NUP214: variants seen among roughly 807,000 people sequenced by gnomAD.
NUP214 encodes the protein nucleoporin 214.
In NUP214, 79 loss-of-function variants were observed where a neutral mutation model predicts 196.2. The observed-to-expected ratio is 0.40, with a 90% CI of 0.34 to 0.49. NUP214 has a LOEUF of 0.49. Ranked by LOEUF, NUP214 falls within the 20% of genes least tolerant of loss-of-function variation. The pLI, the probability that NUP214 is intolerant of heterozygous loss-of-function variation, is 0.58. For synonymous variants in NUP214, 1,020 were observed against 990.5 expected (o/e 1.03, Z -0.56); for missense variants, 2,468 against 2,539.0 (o/e 0.97, Z 0.60).
intron 21 of NUP214, 125 bp from the exon 22 acceptor site, chr9:131,173,930 A>C (rs1833026913): frequency 7.8e-7 from 1 of 1,275,702 alleles, no homozygotes; most frequent in South Asian, 1.4e-5. Context: ...CTCCCACTTA[A>C]AATAAGTAAT....
intron 23 of NUP214, among the ~76,000 whole-genome samples, chr9:131,177,034 A>C (rs1833139898): frequency 6.6e-6 from 1 of 152,230 alleles, no homozygotes; most frequent in Non-Finnish European, 1.5e-5. Flanking sequence ...AACAGATATA[A>C]GCCAAATATT....
intron 31 of NUP214, among the ~76,000 whole-genome samples, chr9:131,219,421 G>C (rs954384156): frequency 6.6e-6 from 1 of 152,176 alleles, no homozygotes; most frequent in African/African-American, 2.4e-5. Flanking sequence ...GCCCCGGGCT[G>C]CTTTGCCCTG....
Position 131,232,195 on chromosome 9 carries a change from C to A in NUP214, c.6215-89C>A. 7.1e-7 allele frequency: 1 copy of A among 1,416,184 alleles called. No homozygotes were observed. The highest frequency in any genetic ancestry group is 1.0e-6 in the Non-Finnish European group (1 of 999,604). 87.7% of individuals were successfully genotyped at this position (1,416,184 alleles called of 1,614,324 possible). On this transcript the variant is annotated intron_variant, in intron 34 of 35. Transcript: ENST00000359428. This position sits in a 1 kb window ranked among gnomAD's most constrained non-coding sequence, Gnocchi z 5.1. ...GGCACGGAGGGCTTCCCACAAGAAG[C>A]ACAGAGGAGGGCAGACACTTAGCAT...
chr9:131,154,756 G>A (rs1832381564), intron 17 of NUP214, among the ~76,000 whole-genome samples: 1 of 152,200 alleles, frequency 6.6e-6, no homozygotes, highest in South Asian at 2.1e-4. Context: ...TAGAATAATG[G>A]TCTCCAGCTC....
intron 18 of NUP214, among the ~76,000 whole-genome samples, chr9:131,160,750 T>C (rs1423970551): frequency 6.6e-6 from 1 of 152,206 alleles, no homozygotes; most frequent in African/African-American, 2.4e-5. Flanking sequence ...CATTGTGTTA[T>C]GTGGAGAAAG....
In NUP214 at chr9:131,230,880, G is replaced by T. The variant is rs1421961578; in HGVS notation, c.6214+111G>T. On this transcript the variant is annotated intron_variant, in intron 34 of 35. Coordinates refer to ENST00000359428, the MANE Select transcript of NUP214 (RefSeq NM_005085.4). ...CAGTCTGTTTAGTATTTTAAAAGCTGACTGGGCACGTGGTTCACGCCTGTA... is the reference window on the plus strand; with the variant it reads ...CAGTCTGTTTAGTATTTTAAAAGCTTACTGGGCACGTGGTTCACGCCTGTA... 7.0e-6 allele frequency: 9 copies of T among 1,279,358 alleles called. No individual in the cohort carries two copies. The Admixed American group carries it at 1.1e-4, about 16-fold the overall frequency. 79.3% of individuals were successfully genotyped at this position (1,279,358 alleles called of 1,614,324 possible). A position where few individuals can be genotyped will look rare whatever the true frequency, so the allele number is the denominator to read the frequency against.
chr9:131,229,846 G>A lies in NUP214; in HGVS notation c.6075-784G>A, dbSNP rs199678696. 4.1e-5 allele frequency: 20 copies of A among 482,160 alleles called. No individual in the cohort carries two copies. The East Asian group carries it at 1.2e-3, about 29-fold the overall frequency. 29.9% of individuals were successfully genotyped at this position (482,160 alleles called of 1,614,324 possible). On this transcript the variant is annotated intron_variant, in intron 33 of 35. Transcript: ENST00000359428. ...TAAAAGTGAATAGAATGGTGGGAAG[G>A]CAGAGTTTTAGATACTTTTTCTTGC...
At chr9:131,189,391 C>G (rs1833541247) in intron 26 of NUP214, among the ~76,000 whole-genome samples, 1 of 152,146 alleles carries the variant, frequency 6.6e-6, no homozygotes, top group African/African-American at 2.4e-5. Context: ...AATGATAGAG[C>G]AATAGGAGAA....
At position 131,210,576 on chromosome 9, in the gene NUP214, G is replaced by A. The variant is rs538593029; in HGVS notation, c.5593-4636G>A. Among the ~76,000 whole-genome samples, 9 of 150,118 alleles carry A rather than the reference G, an allele frequency of 6.0e-5. No homozygotes were observed. The South Asian group carries it at 6.3e-4, about 11-fold the overall frequency. On this transcript the variant is annotated intron_variant, in intron 30 of 35. Transcript: ENST00000359428. ...CAGGAGGCAGAGGTTGTGGTGAGCC[G>A]AGATCACACCACTGCACTCCAGCCT... is the stretch of plus-strand genomic sequence containing the variant.
In NUP214 at chr9:131,175,583, C is replaced by T; in HGVS notation, c.3281C>T (p.Ala1094Val). 6.2e-7 allele frequency: 1 copy of T among 1,614,194 alleles called. No homozygotes were observed. The highest frequency in any genetic ancestry group is 8.5e-7 in the Non-Finnish European group (1 of 1,180,034). Residue 1094 changes from alanine to valine, a missense_variant, in exon 23 of 36, where the codon GCA (alanine) becomes GTA (valine). By Grantham distance (64) the Ala-to-Val change is moderately conservative. Coordinates refer to ENST00000359428, the MANE Select transcript of NUP214 (RefSeq NM_005085.4). Reference protein sequence around the residue: ...HPISAPQAAAAAALRRQMASQ... With the variant: ...HPISAPQAAAVAALRRQMASQ... ...ATCTCAGCCCCGCAGGCAGCTGCCG[C>T]AGCAGCACTCAGGCGGCAGATGGCC... is the stretch of plus-strand genomic sequence containing the variant.
intron 24 of NUP214, among the ~76,000 whole-genome samples, chr9:131,186,742 T>C (rs1833459529): frequency 6.6e-6 from 1 of 152,250 alleles, no homozygotes; most frequent in African/African-American, 2.4e-5. Flanking sequence ...GGGTATACTT[T>C]TCATGCTGTA....
chr9:131,142,138 T>C (rs952919906), intron 11 of NUP214, among the ~76,000 whole-genome samples: 15 of 152,186 alleles, frequency 9.9e-5, no homozygotes, highest in African/African-American at 3.6e-4. Flanking sequence ...TGTTGTTTTT[T>C]TTTCCTCCTT....
chr9:131,153,837 C>G lies in NUP214; in HGVS notation c.2436+1943C>G, dbSNP rs577744464. Among the ~76,000 whole-genome samples, 20 of 152,266 alleles carry G rather than the reference C, an allele frequency of 1.3e-4. No individual in the cohort carries two copies. The South Asian group carries it at 3.5e-3, about 27-fold the overall frequency. On this transcript the variant is annotated intron_variant, in intron 17 of 35. Coordinates refer to ENST00000359428, the MANE Select transcript of NUP214 (RefSeq NM_005085.4). Reference sequence around the variant, plus strand: ...CTGGTTTACAGTTCATGCAGGTTTACAATTCACTCGGGTTTGCAATTCCTG... The same window carrying G: ...CTGGTTTACAGTTCATGCAGGTTTAGAATTCACTCGGGTTTGCAATTCCTG...
At chr9:131,192,586 T>C (rs1280883142) in intron 27 of NUP214, 1 of 219,930 alleles carries the variant, frequency 4.5e-6, no homozygotes, top group Non-Finnish European at 8.9e-6. Flanking sequence ...GTTCATCTAG[T>C]TTGTCACACT....
intron 24 of NUP214, among the ~76,000 whole-genome samples, chr9:131,184,026 C>CTTTT (rs776765956): frequency 3.9e-4 from 41 of 104,362 alleles, no homozygotes; most frequent in African/African-American, 5.1e-4. Flanking sequence ...TTTTCTTTTT[C>CTTTT]TTTTTTTTTT....
intron 24 of NUP214, among the ~76,000 whole-genome samples, chr9:131,181,455 G>C (rs935361963): frequency 6.6e-6 from 1 of 152,102 alleles, no homozygotes; most frequent in Non-Finnish European, 1.5e-5. Context: ...AGCAATGTAT[G>C]GGGGTTCCAG....
intron 22 of NUP214, among the ~76,000 whole-genome samples, chr9:131,174,681 T>C (rs1487672639): frequency 6.6e-6 from 1 of 151,976 alleles, no homozygotes; most frequent in East Asian, 1.9e-4. Context: ...CTCAAACTCC[T>C]GACCTCAGGT....
intron 32 of NUP214, among the ~76,000 whole-genome samples, chr9:131,225,700 A>T (rs1834701020): frequency 6.6e-6 from 1 of 152,212 alleles, no homozygotes; most frequent in African/African-American, 2.4e-5. Context: ...CTATTGAAAG[A>T]GGGGACTGGA....
intron 33 of NUP214, chr9:131,230,040 TG>T (rs1177519473): frequency 3.5e-6 from 1 of 287,258 alleles, no homozygotes; most frequent in African/African-American, 2.3e-5. Context: ...CCTTGTGTGC[TG>T]GACCATATCT....
Sources: allele counts gnomAD v4.1 joint callset (sites outside exome capture counted in the v4.1 genomes callset), GRCh38; gene constraint gnomAD v4.1.1; non-coding constraint Gnocchi (gnomAD v3.1); transcripts MANE v1.5; gene names NCBI Gene and HGNC (gene_info 2026-07-23, HGNC 2026-07-21).